The following SYTL2 variants were observed in gnomAD, a reference collection of about 807,000 sequenced individuals.
SYTL2 encodes synaptotagmin like 2.
SYTL2 carries 165 observed loss-of-function variants against 198.7 expected under a neutral mutation model. That is an observed-to-expected ratio of 0.83 (90% CI 0.73 to 0.94). The LOEUF is 0.94. Ranked by LOEUF, SYTL2 falls within the 40% of genes least tolerant of loss-of-function variation. The pLI, the probability that SYTL2 is intolerant of heterozygous loss-of-function variation, is 0.00. For synonymous variants in SYTL2, 966 were observed against 917.7 expected (o/e 1.05, Z -0.95); for missense variants, 2,835 against 2,582.8 (o/e 1.10, Z -2.12).
At chr11:85,814,671 C>T (rs1178514325), upstream of SYTL2, among the ~76,000 whole-genome samples, 1 of 152,204 alleles carries the variant, frequency 6.6e-6, no homozygotes, top group Admixed American at 6.5e-5. Context: ...AATTTAACCC[C>T]TAACACCACC....
intron 1 of SYTL2, among the ~76,000 whole-genome samples, chr11:85,760,976 A>G (rs2092079860): frequency 6.6e-6 from 1 of 152,198 alleles, no homozygotes; most frequent in Non-Finnish European, 1.5e-5. Flanking sequence ...GTGCTCACCC[A>G]ACTCCTAATA....
chr11:85,749,929 A>G (rs1407127765), intron 2 of SYTL2, among the ~76,000 whole-genome samples: 1 of 152,186 alleles, frequency 6.6e-6, no homozygotes, highest in African/African-American at 2.4e-5. Flanking sequence ...GTATTTATTC[A>G]GATCTTGCAG....
chr11:85,798,815 G>C (rs2153642321), intron 1 of SYTL2, among the ~76,000 whole-genome samples: 1 of 152,242 alleles, frequency 6.6e-6, no homozygotes, highest in South Asian at 2.1e-4. Flanking sequence ...AGTCATGTAG[G>C]CACCCCTTCC....
chr11:85,748,641 A>G (rs2091320299), intron 2 of SYTL2, among the ~76,000 whole-genome samples: 1 of 152,234 alleles, frequency 6.6e-6, no homozygotes, highest in South Asian at 2.1e-4. Context: ...GGTTTAATCC[A>G]CGATTCCCGT....
intron 16 of SYTL2, among the ~76,000 whole-genome samples, chr11:85,702,191 A>AT (rs35728321): frequency 0.58 from 82,194 of 142,000 alleles, 23,951 homozygotes; most frequent in Middle Eastern, 0.65. Flanking sequence ...TAGTGGGTCT[A>AT]TTTTTTTTTT....
At chr11:85,833,791 T>G in the SYTL2 span, among the ~76,000 whole-genome samples, 1 of 149,368 alleles carries the variant, frequency 6.7e-6, no homozygotes, top group Non-Finnish European at 1.5e-5. Context: ...AGTGTTGTAG[T>G]GTAGTGGTAC....
rs376767493 is a variant in SYTL2 at position 85,724,148 on chromosome 11, G to A, written c.5210C>T (p.Thr1737Ile). Residue 1737 changes from threonine to isoleucine, a missense_variant, in exon 8 of 20, where the codon ACT becomes ATT. Around this residue, in one of 3 missense-constraint regions of SYTL2, gnomAD observed 2,645 missense variants for 2,381.7 expected, o/e 1.11. Coordinates refer to ENST00000359152, the MANE Select transcript of SYTL2 (RefSeq NM_206927.4). ...TTGTTTCATATATGGCGATGCTAGA[G>A]TCAATTCAACTTTACTTGTTTTTGT... ...NSTKTSKVEL[T>I]LASPYMKQEK... 285 of 1,603,410 alleles carry A rather than the reference G, an allele frequency of 1.8e-4. 1 individual carries two copies. Among genetic ancestry groups the A allele is most frequent in the Non-Finnish European group, 2.2e-4 (257 of 1,177,542 alleles).
chr11:85,735,408 T>C (rs2090240207), intron 6 of SYTL2, among the ~76,000 whole-genome samples: 1 of 151,916 alleles, frequency 6.6e-6, no homozygotes, highest in South Asian at 2.1e-4. Context: ...GAAAAGGAAA[T>C]TCAGTTTAAA....
At chr11:85,751,672 C>T (rs1464490716) in intron 2 of SYTL2, among the ~76,000 whole-genome samples, 3 of 152,216 alleles carry the variant, frequency 2.0e-5, no homozygotes, top group East Asian at 1.9e-4. Context: ...GTCATTCTCT[C>T]GTTCATTCTC....
At chr11:85,830,767 G>C in the SYTL2 span, among the ~76,000 whole-genome samples, 1 of 152,174 alleles carries the variant, frequency 6.6e-6, no homozygotes. Flanking sequence ...TAGTGAGATG[G>C]ACCCCAGTTT....
chr11:85,764,585 T>G (rs2092189537), intron 1 of SYTL2, among the ~76,000 whole-genome samples: 1 of 152,248 alleles, frequency 6.6e-6, no homozygotes, highest in African/African-American at 2.4e-5. Context: ...TCCTGATTCC[T>G]AGACTGTTCT....
At chr11:85,729,527 G>T (rs1227343437) in intron 7 of SYTL2, among the ~76,000 whole-genome samples, 1 of 152,164 alleles carries the variant, frequency 6.6e-6, no homozygotes, top group East Asian at 1.9e-4. Flanking sequence ...AAATAAATAA[G>T]TTCTTTGAAA....
At chr11:85,708,433 T>A (rs540077413) in intron 14 of SYTL2, among the ~76,000 whole-genome samples, 1 of 152,058 alleles carries the variant, frequency 6.6e-6, no homozygotes, top group Non-Finnish European at 1.5e-5. Context: ...CAGACTTCTG[T>A]ATAGGGATAA....
At chr11:85,711,047 A>G in intron 13 of SYTL2, 66 bp downstream of exon 13, 2 of 1,561,270 alleles carry the variant, frequency 1.3e-6, no homozygotes, top group South Asian at 2.4e-5. Flanking sequence ...TACAATGAGC[A>G]TGAGCATGTC....
chr11:85,816,535 A>G, the SYTL2 span, among the ~76,000 whole-genome samples: 1 of 152,164 alleles, frequency 6.6e-6, no homozygotes, highest in Non-Finnish European at 1.5e-5. Context: ...GTGTGGGACA[A>G]TGAGAAAGTT....
the SYTL2 span, among the ~76,000 whole-genome samples, chr11:85,848,347 T>C: frequency 2.0e-5 from 3 of 152,120 alleles, no homozygotes; most frequent in East Asian, 1.9e-4. Context: ...TTTTTCTTTT[T>C]TGAATCATGT....
chr11:85,756,246 T>TA (rs1489575177), intron 2 of SYTL2, among the ~76,000 whole-genome samples: 1 of 152,198 alleles, frequency 6.6e-6, no homozygotes, highest in African/African-American at 2.4e-5. Flanking sequence ...GGACACTGTT[T>TA]AAGGCACACC....
intron 1 of SYTL2, among the ~76,000 whole-genome samples, chr11:85,789,375 TA>T (rs2092695302): frequency 1.8e-5 from 1 of 54,126 alleles, no homozygotes; most frequent in Non-Finnish European, 3.3e-5. Flanking sequence ...TATATATATA[TA>T]TGTATATATA....
intron 11 of SYTL2, 90 bp downstream of exon 11, chr11:85,717,393 A>G: frequency 9.2e-7 from 1 of 1,088,766 alleles, no homozygotes; most frequent in Non-Finnish European, 1.4e-6. Context: ...AATAATAAAT[A>G]CTGTGTTATT....
Sources: allele counts gnomAD v4.1 joint callset (sites outside exome capture counted in the v4.1 genomes callset), GRCh38; gene constraint gnomAD v4.1.1; regional missense constraint gnomAD v4.1.1; transcripts MANE v1.5; gene names NCBI Gene and HGNC (gene_info 2026-07-23, HGNC 2026-07-21).